ZNF185: variants seen among roughly 807,000 people sequenced by gnomAD.
ZNF185 encodes the protein zinc finger protein 185 with LIM domain.
Under a neutral mutation model 58.6 loss-of-function variants are expected in ZNF185, and 56 were observed. That is an observed-to-expected ratio of 0.95 (90% CI 0.77 to 1.19). The LOEUF (loss-of-function observed/expected upper bound fraction) is 1.19, where lower values mean the gene tolerates loss of function less well. ZNF185 is among the 50% of genes most tolerant of loss of function. The probability of loss-of-function intolerance (pLI) is 0.00; values close to 1 mark genes in which losing one functional copy is unlikely to be tolerated. For synonymous variants in ZNF185, 230 were observed against 215.9 expected, an observed-to-expected ratio of 1.07 and a Z score of -0.57; for missense variants, 627 against 573.5, an observed-to-expected ratio of 1.09 and a Z score of -0.95.
Position 152,943,203 on chromosome X carries a change from G to A in ZNF185, c.1212-2064G>A, listed in dbSNP as rs945512403. Among the ~76,000 whole-genome samples, 12 of 110,797 alleles carry A rather than the reference G, an allele frequency of 1.1e-4. No homozygotes were observed. In the East Asian group the frequency reaches 1.1e-3, roughly 10 times the overall value. Reference sequence around the variant, plus strand: ...TAGAGAGGAGTTTTTGCCATGTTGCGCAGGCTGGTCTCAAACTCCTGACCT... The same window carrying A: ...TAGAGAGGAGTTTTTGCCATGTTGCACAGGCTGGTCTCAAACTCCTGACCT... On this transcript the variant is annotated intron_variant, in intron 15 of 22. Coordinates refer to ENST00000449285, the Ensembl canonical transcript of ZNF185.
At chrX:152,951,200 C>T (rs2048282192) in intron 16 of ZNF185, among the ~76,000 whole-genome samples, 2 of 109,431 alleles carry the variant, frequency 1.8e-5, no homozygotes, top group Admixed American at 9.9e-5. Context: ...AGGTGAACTG[C>T]CCACCTCAGC....
chrX:152,928,604 A>G lies in ZNF185; in HGVS notation c.860A>G (p.Gln287Arg), dbSNP rs375195419. 1.1e-5 allele frequency: 13 copies of G among 1,210,764 alleles called. No homozygotes were observed. The African/African-American group carries it at 2.3e-4, about 21-fold the overall frequency. Residue 287 changes from glutamine (Q) to arginine (R), a missense_variant, in exon 12 of 23, where the codon CAG (glutamine) becomes CGG (arginine). Gln to Arg is a conservative substitution (Grantham distance 43). Transcript: ENST00000449285. ...AGAGGTGAGGAAATTGTCCGCCTGCAGATCCTGACACCCAGGGCAGGACTC... is the reference window on the plus strand; with the variant it reads ...AGAGGTGAGGAAATTGTCCGCCTGCGGATCCTGACACCCAGGGCAGGACTC...
intron 17 of ZNF185, 97 bp downstream of exon 19, chrX:152,959,993 G>C (rs2049301308): frequency 1.2e-6 from 1 of 861,975 alleles, no homozygotes; most frequent in African/African-American, 2.0e-5. Flanking sequence ...AGGCATGCCT[G>C]TTTATCCTCT....
At chrX:152,914,823 G>T (rs781946208) in exon 2 of ZNF185, 1 of 1,184,512 alleles carries the variant, frequency 8.4e-7, no homozygotes, top group Admixed American at 2.4e-5. Context: ...TGAATCGGAG[G>T]GTCGCACCAT....
chrX:152,969,752 T>G (rs1325163053), intron 21 of ZNF185, among the ~76,000 whole-genome samples: 1 of 112,660 alleles, frequency 8.9e-6, no homozygotes, highest in Non-Finnish European at 1.9e-5. Context: ...AAAGACTATT[T>G]CTGGCAGAGG....
intron 16 of ZNF185, among the ~76,000 whole-genome samples, chrX:152,948,135 A>C (rs1231673361): frequency 3.6e-5 from 4 of 111,936 alleles, no homozygotes; most frequent in Non-Finnish European, 3.8e-5. Context: ...AGCCACGCTG[A>C]GCTAACTTTC....
At chrX:152,925,497 G>A (rs782716154) in intron 11 of ZNF185, among the ~76,000 whole-genome samples, 12 of 112,186 alleles carry the variant, frequency 1.1e-4, no homozygotes, top group African/African-American at 3.9e-4. Context: ...AGAGATTCAG[G>A]GTCCGGGGCA....
At chrX:152,904,883 G>A in the ZNF185 span, among the ~76,000 whole-genome samples, 2 of 112,298 alleles carry the variant, frequency 1.8e-5, no homozygotes, top group African/African-American at 6.5e-5. Flanking sequence ...CACACGACCA[G>A]GTGCAGGGGC....
chrX:152,920,761 A>G lies in ZNF185; in HGVS notation c.656+13A>G. 1 of 1,211,164 alleles carries G rather than the reference A, an allele frequency of 8.3e-7. No individual in the cohort carries two copies. Among genetic ancestry groups the G allele is most frequent in the Non-Finnish European group, 1.1e-6 (1 of 894,822 alleles). ...TTATCGCGAAGAGGTAAGTGTCATCAAGGGACACCTTGGAGGCCTGTTACT... is the reference window on the plus strand; with the variant it reads ...TTATCGCGAAGAGGTAAGTGTCATCGAGGGACACCTTGGAGGCCTGTTACT... On this transcript the variant is annotated intron_variant, in intron 9 of 22. Coordinates refer to ENST00000449285, the Ensembl canonical transcript of ZNF185.
chrX:152,917,368 T>C lies in ZNF185; in HGVS notation c.341+6T>C. On this transcript the variant is annotated splice_donor_region_variant and intron_variant, in intron 5 of 22. Transcript: ENST00000449285. ...GCCAACGGGACTCCAAAAAGGTATG[T>C]CCATGGGGTGTTGGCCAGTCGGCCA... 2 of 1,211,212 alleles carry C rather than the reference T, an allele frequency of 1.7e-6. No individual in the cohort carries two copies. The highest frequency in any genetic ancestry group is 2.2e-6 in the Non-Finnish European group (2 of 895,186).
chrX:152,940,230 C>T (rs979049820), intron 15 of ZNF185, among the ~76,000 whole-genome samples: 1 of 110,856 alleles, frequency 9.0e-6, no homozygotes, highest in South Asian at 3.8e-4. Flanking sequence ...GACTATGACC[C>T]GTGACACAGC....
chrX:152,926,368 T>C (rs1603226737), intron 11 of ZNF185, among the ~76,000 whole-genome samples: 1 of 112,641 alleles, frequency 8.9e-6, no homozygotes, highest in South Asian at 3.6e-4. Flanking sequence ...CTCCCAGTCA[T>C]AGGCGTGCTG....
At position 152,922,935 on chromosome X, in the gene ZNF185, C is replaced by T. The variant is rs781829448; in HGVS notation, c.830+126C>T. On this transcript the variant is annotated intron_variant, in intron 11 of 22. Coordinates refer to ENST00000449285, the Ensembl canonical transcript of ZNF185. ...TGATGGGGCAAGGACAGGCTGAGCA[C>T]TGGTGATCTCACTCCAGGAAGGGCC... The T allele has an allele frequency of 9.2e-6, 5 of 541,936 alleles. No individual in the cohort carries two copies. The South Asian group carries it at 1.6e-4, about 17-fold the overall frequency. 44.7% of individuals were successfully genotyped at this position (541,936 alleles called of 1,213,427 possible). A position where few individuals can be genotyped will look rare whatever the true frequency, so the allele number is the denominator to read the frequency against.
chrX:152,954,730 C>T (rs2048645876), intron 16 of ZNF185, among the ~76,000 whole-genome samples: 1 of 112,292 alleles, frequency 8.9e-6, no homozygotes, highest in Non-Finnish European at 1.9e-5. Context: ...TCTCAACCAG[C>T]GAGGTAGAAG....
In ZNF185 at chrX:152,931,917, A is replaced by C. The variant is rs56884522; in HGVS notation, c.1022+141A>C. The stretch of plus-strand genomic sequence containing the variant: ...AAGGTCCTGTTCCCACTGTTCCCCC[A>C]GTACCTGGGGTACTGCAGGTCTTTA... On this transcript the variant is annotated intron_variant, in intron 13 of 22. Transcript: ENST00000449285. 3,287 of 371,082 alleles carry C rather than the reference A, an allele frequency of 8.9e-3. 88 individuals are homozygous for C. The highest frequency in any genetic ancestry group is 0.079 in the African/African-American group (2,918 of 36,849). The allele number at this position is 371,082 out of a possible 1,213,427, so 30.6% of individuals were successfully genotyped here. A position where few individuals can be genotyped will look rare whatever the true frequency, so the allele number is the denominator to read the frequency against.
intron 14 of ZNF185, among the ~76,000 whole-genome samples, chrX:152,936,041 C>G (rs1304763271): frequency 8.9e-6 from 1 of 112,586 alleles, no homozygotes; most frequent in Non-Finnish European, 1.9e-5. Flanking sequence ...CATGTTATGG[C>G]CCAGGCATTA....
chrX:152,902,076 G>C, the ZNF185 span, among the ~76,000 whole-genome samples: 1 of 112,494 alleles, frequency 8.9e-6, no homozygotes, highest in East Asian at 2.8e-4. Context: ...CCAGCCAAGA[G>C]AGCAATTCCT....
chrX:152,940,604 G>A lies in ZNF185; in HGVS notation c.1211+2441G>A, dbSNP rs191716646. ...TATAGGTGAAGTCTCATAAGTGGCCGCCCTTAGAAGCAATAGATGGCCAAT... is the reference window on the plus strand; with the variant it reads ...TATAGGTGAAGTCTCATAAGTGGCCACCCTTAGAAGCAATAGATGGCCAAT... On this transcript the variant is annotated intron_variant, in intron 15 of 22. Coordinates refer to ENST00000449285, the Ensembl canonical transcript of ZNF185. Among the ~76,000 whole-genome samples, 749 of 111,364 alleles carry A rather than the reference G, an allele frequency of 6.7e-3. 13 individuals are homozygous for A. The highest frequency in any genetic ancestry group is 0.022 in the African/African-American group (678 of 30,579).
At chrX:152,948,350 C>A (rs146350030) in intron 16 of ZNF185, among the ~76,000 whole-genome samples, 3,535 of 111,210 alleles carry the variant, frequency 0.032, 61 homozygotes, top group Middle Eastern at 0.06. Context: ...GAGGGGTGAG[C>A]AGATAATTAC....
Sources: allele counts gnomAD v4.1 joint callset (sites outside exome capture counted in the v4.1 genomes callset), GRCh38; gene constraint gnomAD v4.1.1; transcripts MANE v1.5; gene names NCBI Gene and HGNC (gene_info 2026-07-23, HGNC 2026-07-21).